The following GRM8 variants were observed in gnomAD, a reference collection of about 807,000 sequenced individuals.
GRM8 encodes glutamate metabotropic receptor 8.
GRM8 carries 47 observed loss-of-function variants against 87.2 expected under a neutral mutation model. That is an observed-to-expected ratio of 0.54 (90% CI 0.43 to 0.69). The LOEUF (loss-of-function observed/expected upper bound fraction) is 0.69. GRM8 is among the 30% of genes least tolerant of loss of function. The probability of loss-of-function intolerance (pLI) is 0.00; values close to 1 mark genes in which losing one functional copy is unlikely to be tolerated. For synonymous variants in GRM8, 396 were observed against 404.5 expected, an observed-to-expected ratio of 0.98 and a Z score of 0.25; for missense variants, 1,019 against 1,139.2, an observed-to-expected ratio of 0.89 and a Z score of 1.52.
rs75782708 is a variant in GRM8 at position 127,097,427 on chromosome 7, G to A, written c.727+9069C>T. On this transcript the variant is annotated intron_variant, in intron 3 of 10. Coordinates refer to ENST00000339582, the MANE Select transcript of GRM8 (RefSeq NM_000845.3). Reference sequence around the variant, plus strand: ...GAGGGGAGGTGGTCAGGAGTCATTCGAAAGCTTCCTCTCTGGTCTTCCATG... The same window carrying A: ...GAGGGGAGGTGGTCAGGAGTCATTCAAAAGCTTCCTCTCTGGTCTTCCATG... 9.7e-3 allele frequency among the ~76,000 whole-genome samples: 1,477 copies of A among 152,236 alleles called. 14 individuals carry two copies. Among genetic ancestry groups the A allele is most frequent in the Non-Finnish European group, 0.016 (1,087 of 67,992 alleles).
intron 9 of GRM8, among the ~76,000 whole-genome samples, chr7:126,514,584 T>C (rs1811907897): frequency 6.6e-6 from 1 of 152,024 alleles, no homozygotes; most frequent in African/African-American, 2.4e-5. Flanking sequence ...AATGCAAAAC[T>C]ATATAAGATC....
chr7:126,536,338 G>C (rs189598891), intron 8 of GRM8, among the ~76,000 whole-genome samples: 1 of 152,314 alleles, frequency 6.6e-6, no homozygotes, highest in East Asian at 1.9e-4. Context: ...TGAGGCCAGA[G>C]AACTGTAGTC....
At chr7:126,691,441 C>T (rs1267770157) in intron 7 of GRM8, among the ~76,000 whole-genome samples, 1 of 152,138 alleles carries the variant, frequency 6.6e-6, no homozygotes, top group Non-Finnish European at 1.5e-5. Context: ...AGTCCGCAGC[C>T]GCAGCTAGGT....
intron 3 of GRM8, among the ~76,000 whole-genome samples, chr7:126,918,804 G>T (rs558429162): frequency 6.6e-6 from 1 of 152,184 alleles, no homozygotes; most frequent in African/African-American, 2.4e-5. Flanking sequence ...ATAACATTCT[G>T]CATTAAATGG....
At chr7:127,131,412 C>T (rs1827680110) in intron 2 of GRM8, among the ~76,000 whole-genome samples, 1 of 152,158 alleles carries the variant, frequency 6.6e-6, no homozygotes, top group Non-Finnish European at 1.5e-5. Context: ...AAAGTGGTTT[C>T]ATAATTTTGT....
chr7:126,894,970 T>C (rs1043004396), intron 6 of GRM8, among the ~76,000 whole-genome samples: 3 of 152,078 alleles, frequency 2.0e-5, no homozygotes, highest in African/African-American at 7.2e-5. Context: ...GTTTTCTAAG[T>C]GTTCAGAATA....
At chr7:126,471,670 G>C (rs1359659032) in intron 9 of GRM8, among the ~76,000 whole-genome samples, 1 of 151,820 alleles carries the variant, frequency 6.6e-6, no homozygotes, top group African/African-American at 2.4e-5. Flanking sequence ...ACTTGGCGAT[G>C]CGGGCTCTTT....
intron 7 of GRM8, among the ~76,000 whole-genome samples, chr7:126,766,998 G>C (rs1490319424): frequency 1.3e-5 from 2 of 152,154 alleles, no homozygotes; most frequent in South Asian, 2.1e-4. Context: ...GTGCTTCATA[G>C]AGCCACTGGG....
intron 3 of GRM8, among the ~76,000 whole-genome samples, chr7:126,984,634 G>C (rs1811868480): frequency 6.6e-6 from 1 of 152,112 alleles, no homozygotes; most frequent in South Asian, 2.1e-4. Flanking sequence ...GATCATGTGA[G>C]TTAATACTAC....
chr7:126,908,057 G>T (rs1180026368), intron 3 of GRM8, among the ~76,000 whole-genome samples: 1 of 152,130 alleles, frequency 6.6e-6, no homozygotes, highest in South Asian at 2.1e-4. Flanking sequence ...AGGAAAGAAT[G>T]ATTTTGATTG....
chr7:126,595,284 T>A (rs540972394), intron 8 of GRM8, among the ~76,000 whole-genome samples: 1 of 152,002 alleles, frequency 6.6e-6, no homozygotes, highest in Non-Finnish European at 1.5e-5. Flanking sequence ...CAGGTTAGAG[T>A]GCAGTGACAT....
At chr7:126,874,244 G>C (rs1246688405) in intron 6 of GRM8, among the ~76,000 whole-genome samples, 1 of 152,014 alleles carries the variant, frequency 6.6e-6, no homozygotes, top group African/African-American at 2.4e-5. Context: ...TATAAAGGAG[G>C]TGCATGACTG....
At chr7:126,498,229 A>G (rs907889666) in intron 9 of GRM8, among the ~76,000 whole-genome samples, 3 of 151,982 alleles carry the variant, frequency 2.0e-5, no homozygotes, top group African/African-American at 7.2e-5. Flanking sequence ...TAAGAAACTC[A>G]ATTGTTCTGA....
chr7:126,881,183 T>C (rs1482732418), intron 6 of GRM8, among the ~76,000 whole-genome samples: 1 of 152,152 alleles, frequency 6.6e-6, no homozygotes, highest in Non-Finnish European at 1.5e-5. Flanking sequence ...ATAAAGGAGT[T>C]ATTTGCATAA....
intron 7 of GRM8, among the ~76,000 whole-genome samples, chr7:126,700,343 A>G (rs565815872): frequency 6.6e-6 from 1 of 152,304 alleles, no homozygotes; most frequent in South Asian, 2.1e-4. Flanking sequence ...GAAGACTGCA[A>G]CAGATTTGAA....
intron 3 of GRM8, among the ~76,000 whole-genome samples, chr7:127,070,343 CA>C (rs1821553767): frequency 6.6e-6 from 1 of 152,022 alleles, no homozygotes; most frequent in African/African-American, 2.4e-5. Context: ...TCATGATTTC[CA>C]GGTGGAACAG....
At chr7:126,882,754 G>C (rs942465005) in intron 6 of GRM8, among the ~76,000 whole-genome samples, 6 of 150,820 alleles carry the variant, frequency 4.0e-5, no homozygotes, top group African/African-American at 1.5e-4. Context: ...AGAGCCTCCT[G>C]ATGTTTGTTG....
chr7:126,998,576 T>C (rs1375971903), intron 3 of GRM8, among the ~76,000 whole-genome samples: 1 of 151,666 alleles, frequency 6.6e-6, no homozygotes, highest in Admixed American at 6.6e-5. Context: ...TCAGTAAAGA[T>C]GCAGAATAAA....
intron 2 of GRM8, among the ~76,000 whole-genome samples, chr7:127,122,523 C>G (rs913094025): frequency 6.6e-6 from 1 of 151,592 alleles, no homozygotes; most frequent in Non-Finnish European, 1.5e-5. Flanking sequence ...GCACGTCTGT[C>G]TTTTAAAAAA....
Sources: allele counts gnomAD v4.1 joint callset (sites outside exome capture counted in the v4.1 genomes callset), GRCh38; gene constraint gnomAD v4.1.1; transcripts MANE v1.5; gene names NCBI Gene and HGNC (gene_info 2026-07-23, HGNC 2026-07-21).